Variants in GAK observed in about 807,000 individuals in gnomAD.
The protein encoded by GAK is cyclin-G-associated kinase.
Under a neutral mutation model 143.9 loss-of-function variants are expected in GAK, and 79 were observed. That is an observed-to-expected ratio of 0.55 (90% CI 0.46 to 0.66). GAK has a LOEUF of 0.66. Among genes scored for constraint, GAK ranks in the 30% least tolerant of loss-of-function variants. The pLI is 0.00. For synonymous variants in GAK, 881 were observed against 765.5 expected (o/e 1.15, Z -2.49); for missense variants, 1,693 against 1,779.7 (o/e 0.95, Z 0.88).
At position 865,247 on chromosome 4, in the gene GAK, G is replaced by A. The variant is rs762318178; in HGVS notation, c.3044-3C>T. ...GCTGGGCTCTCCTGGCAGATCCCCT[G>A]GGAAGAAGGAACCAGAAGAGAGCAC... On this transcript the variant is annotated splice_polypyrimidine_tract_variant and splice_region_variant and intron_variant, in intron 22 of 27. Coordinates refer to ENST00000314167, the MANE Select transcript of GAK (RefSeq NM_005255.4). 3.1e-6 allele frequency: 5 copies of A among 1,613,134 alleles called. No individual in the cohort carries two copies. Among genetic ancestry groups the A allele is most frequent in the South Asian group, 2.2e-5 (2 of 91,022 alleles).
intron 11 of GAK, 75 bp from the exon 12 acceptor site, chr4:884,161 C>G (rs534393646): frequency 7.3e-7 from 1 of 1,365,094 alleles, no homozygotes; most frequent in East Asian, 2.3e-5. Context: ...TAAGCCAGAG[C>G]CCGAGGCCTG....
intron 1 of GAK, among the ~76,000 whole-genome samples, chr4:918,069 A>G (rs914899435): frequency 6.6e-6 from 1 of 152,254 alleles, no homozygotes; most frequent in Non-Finnish European, 1.5e-5. Flanking sequence ...TCATTACCAT[A>G]GACACAAAAA....
intron 1 of GAK, among the ~76,000 whole-genome samples, chr4:930,782 C>T (rs1321088578): frequency 6.6e-6 from 1 of 152,160 alleles, no homozygotes; most frequent in Non-Finnish European, 1.5e-5. Context: ...CCAAATCATA[C>T]CCAAAATCTG....
At position 868,579 on chromosome 4, in the gene GAK, G is replaced by A. The variant is rs951585631; in HGVS notation, c.2355C>T (p.Ser785=). 8 of 1,605,918 alleles carry A rather than the reference G, an allele frequency of 5.0e-6. No homozygotes were observed. The Admixed American group carries it at 8.4e-5, about 17-fold the overall frequency. ...TGTGCAGGAAGCGACTGGCGTCCGC[G>A]CTGCTGCTTGGCGGTGAGTCAGAGT... ...PTDSDSPPSS[S]ADASRFLHTL... Residue 785 remains serine, a synonymous_variant, in exon 20 of 28, where the codon AGC becomes AGT. Transcript: ENST00000314167.
chr4:860,412 C>A (rs1370270156), intron 23 of GAK, among the ~76,000 whole-genome samples: 2 of 151,136 alleles, frequency 1.3e-5, no homozygotes, highest in African/African-American at 2.4e-5. Context: ...AAACCAGGCT[C>A]TTCATGTATA....
chr4:882,165 G>C (rs1189520364), intron 14 of GAK, 125 bp from the exon 15 acceptor site: 3 of 1,097,718 alleles, frequency 2.7e-6, no homozygotes, highest in Non-Finnish European at 3.9e-6. Flanking sequence ...TCTGAAGCTG[G>C]GATATGTTTA....
At chr4:896,081 G>A (rs1395234169) in intron 7 of GAK, among the ~76,000 whole-genome samples, 2 of 152,148 alleles carry the variant, frequency 1.3e-5, no homozygotes, top group African/African-American at 4.8e-5. Flanking sequence ...GGGCGACATG[G>A]TGAGACCACC....
intron 11 of GAK, among the ~76,000 whole-genome samples, chr4:884,741 C>T (rs1001365025): frequency 4.6e-5 from 7 of 152,244 alleles, no homozygotes. Flanking sequence ...GTAAGAATGG[C>T]CAAGCTGTTC....
At chr4:857,032 T>C (rs1465287190) in intron 24 of GAK, among the ~76,000 whole-genome samples, 3 of 152,030 alleles carry the variant, frequency 2.0e-5, no homozygotes, top group East Asian at 3.8e-4. Flanking sequence ...CCAGTTAATA[T>C]GATATCAGAT....
intron 1 of GAK, among the ~76,000 whole-genome samples, chr4:924,176 C>A (rs1187119792): frequency 3.5e-3 from 345 of 99,680 alleles, no homozygotes; most frequent in East Asian, 7.0e-3. Flanking sequence ...GACTCCCTCT[C>A]AAAAAAAAAA....
At chr4:920,539 A>ATTTTTTTTTTTTTTTTTTTTTT (rs34176109) in intron 1 of GAK, among the ~76,000 whole-genome samples, 2 of 129,598 alleles carry the variant, frequency 1.5e-5, no homozygotes, top group Admixed American at 7.8e-5. Context: ...GTTTAGAGCC[A>ATTTTTTTTTTTTTTTTTTTTTT]TTTTTTTTTT....
chr4:877,896 A>G, intron 15 of GAK, 87 bp from the exon 16 acceptor site: 3 of 1,198,242 alleles, frequency 2.5e-6, no homozygotes, highest in Non-Finnish European at 3.4e-6. Context: ...GAAGTTTTTC[A>G]TGCTAGAAAT....
intron 24 of GAK, among the ~76,000 whole-genome samples, chr4:855,057 A>G (rs1237707877): frequency 6.6e-6 from 1 of 152,116 alleles, no homozygotes; most frequent in African/African-American, 2.4e-5. Context: ...AAAATAAACT[A>G]TTCCAGGCAT....
At chr4:912,687 T>C (rs772897904) in intron 3 of GAK, 48 bp downstream of exon 3, 29 of 1,491,166 alleles carry the variant, frequency 1.9e-5, no homozygotes, top group Non-Finnish European at 2.6e-5. Flanking sequence ...CGCAGGCCTG[T>C]GCCTGCCAAA....
In GAK at chr4:850,993, G is replaced by A. The variant is rs75072999; in HGVS notation, c.3600C>T (p.Thr1200=). Residue 1200 remains threonine, a synonymous_variant, in exon 26 of 28, where the codon ACC becomes ACT. Transcript: ENST00000314167. ...SSRSDKKGPK[T]IAEMRKQDLA... ...GGTCCTGCTTCCTCATCTCTGCAAT[G>A]GTCTTTGGCCCTTTCTTGTCAGACC... The A allele has an allele frequency of 0.08, 128,429 of 1,613,818 alleles. 5,863 individuals are homozygous for A. The highest frequency in any genetic ancestry group is 0.094 in the Non-Finnish European group (111,138 of 1,179,774).
rs1717106898 is a variant in GAK, at chr4:888,977, G to C, written c.1082-7C>G. 1.9e-6 allele frequency: 3 copies of C among 1,609,388 alleles called. No individual in the cohort carries two copies. The highest frequency in any genetic ancestry group is 2.2e-5 in the South Asian group (2 of 90,738). ...TACTCCGCCAGCGCCAGGCCTGCAGGGAGACACAGTCTCAGCAGGCCCCAG... is the reference window on the plus strand; with the variant it reads ...TACTCCGCCAGCGCCAGGCCTGCAGCGAGACACAGTCTCAGCAGGCCCCAG... On this transcript the variant is annotated splice_polypyrimidine_tract_variant and splice_region_variant and intron_variant, in intron 10 of 27. Transcript: ENST00000314167.
At position 867,472 on chromosome 4, in the gene GAK, AC is replaced by A. The variant is rs1751417240; in HGVS notation, c.2396-41del. The A allele has an allele frequency of 1.4e-5, 21 of 1,454,136 alleles. No individual in the cohort carries two copies. In the Admixed American group the frequency reaches 2.1e-4, roughly 15 times the overall value. 90.1% of individuals were successfully genotyped at this position (1,454,136 alleles called of 1,614,324 possible). A position where few individuals can be genotyped will look rare whatever the true frequency, so the allele number is the denominator to read the frequency against. On this transcript the variant is annotated intron_variant, in intron 20 of 27. Coordinates refer to ENST00000314167, the MANE Select transcript of GAK (RefSeq NM_005255.4). ...CAAAACCACAGGCTAGTGAGACCAC[AC>A]GGCCAGCACCAGGGTCCCCACGGCG... is the stretch of plus-strand genomic sequence containing the variant.
Position 902,615 on chromosome 4 carries a change from C to A in GAK, c.525+2022G>T, listed in dbSNP as rs868227717. Among the ~76,000 whole-genome samples the A allele has an allele frequency of 8.7e-3, 327 of 37,684 alleles. 3 individuals are homozygous for A. The highest frequency in any genetic ancestry group is 0.024 in the African/African-American group (199 of 8,302). The allele number at this position is 37,684 out of a possible 152,430, so 24.7% of individuals were successfully genotyped here. A position where few individuals can be genotyped will look rare whatever the true frequency, so the allele number is the denominator to read the frequency against. Reference sequence around the variant, plus strand: ...CTGACTCAAAAAAAAAAAAAAAAAACCCCAAAAAACCTCTTCAGCAAAAGC... The same window carrying A: ...CTGACTCAAAAAAAAAAAAAAAAAAACCCAAAAAACCTCTTCAGCAAAAGC... On this transcript the variant is annotated intron_variant, in intron 5 of 27. Transcript: ENST00000314167.
chr4:931,682 G>A (rs1037050435), intron 1 of GAK, among the ~76,000 whole-genome samples: 19 of 152,112 alleles, frequency 1.2e-4, no homozygotes, highest in African/African-American at 4.3e-4. Flanking sequence ...CTCCCTGCCT[G>A]CCACCATCCC....
Sources: allele counts gnomAD v4.1 joint callset (sites outside exome capture counted in the v4.1 genomes callset), GRCh38; gene constraint gnomAD v4.1.1; transcripts MANE v1.5; gene names NCBI Gene and HGNC (gene_info 2026-07-23, HGNC 2026-07-21).